WAS: variants seen among roughly 807,000 people sequenced by gnomAD.
The protein encoded by WAS is actin nucleation-promoting factor WAS.
WAS carries 1 observed loss-of-function variant against 38.9 expected under a neutral mutation model. That is an observed-to-expected ratio of 0.03 (90% CI 0.01 to 0.12). The LOEUF is 0.12. Among genes scored for constraint, WAS ranks in the 10% least tolerant of loss-of-function variants. The pLI is 1.00. For synonymous variants in WAS, 182 were observed against 173.6 expected (o/e 1.05, Z -0.38); for missense variants, 311 against 431.2 (o/e 0.72, Z 2.47).
rs782347054 is a variant in WAS, at chrX:48,684,433, C to G, written c.273+10C>G. On this transcript the variant is annotated intron_variant, in intron 2 of 11. Coordinates refer to ENST00000376701, the MANE Select transcript of WAS (RefSeq NM_000377.3). ...CCTTTACGGCCTTCAGGTGACCCCC[C>G]CACCCCCGACTGGACTTGCAAGCCA... 6 of 1,200,461 alleles carry G rather than the reference C, an allele frequency of 5.0e-6. No individual in the cohort carries two copies. In the South Asian group the frequency reaches 1.1e-4, roughly 22 times the overall value.
At chrX:48,690,764 C>T (rs2062437251) in intron 11 of WAS, among the ~76,000 whole-genome samples, 2 of 111,012 alleles carry the variant, frequency 1.8e-5, no homozygotes, top group African/African-American at 3.3e-5. Flanking sequence ...TCATTAACCC[C>T]ATTATGTGTC....
At chrX:48,691,050 C>T in intron 11 of WAS, 57 bp from the exon 12 acceptor site, 1 of 1,111,603 alleles carries the variant, frequency 9.0e-7, no homozygotes, top group Non-Finnish European at 1.2e-6. Context: ...ACCTCCCAGG[C>T]CCTATGAAGC....
chrX:48,689,872 G>T (rs1205425575), intron 11 of WAS, among the ~76,000 whole-genome samples: 1 of 107,748 alleles, frequency 9.3e-6, no homozygotes, highest in East Asian at 3.0e-4. Flanking sequence ...ATAGTGGTGT[G>T]TGCCTGTGGT....
chrX:48,689,013 G>C lies in WAS; in HGVS notation c.1285G>C (p.Gly429Arg), dbSNP rs782553062. The C allele has an allele frequency of 1.7e-6, 2 of 1,202,131 alleles. No individual in the cohort carries two copies. Among genetic ancestry groups the C allele is most frequent in the South Asian group, 1.8e-5 (1 of 55,809 alleles). ...GCCTGCCGGGGGCCTGGCCCCTGGT[G>C]GGGGTCGGGGAGCGCTTTTGGATCA... ...LVPAGGLAPG[G>R]GRGALLDQIR... The change falls in exon 10 of 12, where the codon GGG becomes CGG. Residue 429 changes from glycine (G) to arginine (R), a missense_variant. Coordinates refer to ENST00000376701, the MANE Select transcript of WAS (RefSeq NM_000377.3).
rs1243089358 is a variant in WAS at position 48,689,046 on chromosome X, C to A, written c.1318C>A (p.Gln440Lys). ...GRGALLDQIR[Q>K]GIQLNKTPGA... ...GGGAGCGCTTTTGGATCAAATCCGG[C>A]AGGGAATTCAGCTGAACAAGGTGAG... Residue 440 changes from glutamine (Q) to lysine (K), a missense_variant, in exon 10 of 12, where the codon CAG becomes AAG. Physicochemically the swap from Gln to Lys is moderately conservative, Grantham distance 53 (BLOSUM62 1). Coordinates refer to ENST00000376701, the MANE Select transcript of WAS (RefSeq NM_000377.3). The A allele has an allele frequency of 1.7e-6, 2 of 1,201,697 alleles. No homozygotes were observed. Among genetic ancestry groups the A allele is most frequent in the Non-Finnish European group, 2.2e-6 (2 of 894,240 alleles).
chrX:48,679,270 T>C (rs1355624424), upstream of WAS, among the ~76,000 whole-genome samples: 2 of 111,286 alleles, frequency 1.8e-5, no homozygotes, highest in African/African-American at 3.3e-5. Flanking sequence ...GCGATCCACC[T>C]ATCTTGGCCT....
upstream of WAS, among the ~76,000 whole-genome samples, chrX:48,679,380 A>G (rs1281727824): frequency 8.9e-6 from 1 of 112,097 alleles, no homozygotes; most frequent in Non-Finnish European, 1.9e-5. Flanking sequence ...TATACATTTT[A>G]CACTTGTCTG....
At chrX:48,682,022 G>C (rs184380373), upstream of WAS, among the ~76,000 whole-genome samples, 1 of 112,141 alleles carries the variant, frequency 8.9e-6, no homozygotes, top group Admixed American at 9.5e-5. Context: ...TCATACATGG[G>C]GAAACTGAGG....
intron 1 of WAS, 57 bp downstream of exon 1, chrX:48,684,042 C>A: frequency 8.5e-7 from 1 of 1,181,193 alleles, no homozygotes. Context: ...CTCTTCCTCT[C>A]CTCCTTCTCT....
chrX:48,686,641 C>A, intron 6 of WAS, 140 bp from the exon 7 acceptor site: 1 of 648,845 alleles, frequency 1.5e-6, no homozygotes, highest in Non-Finnish European at 2.4e-6. Flanking sequence ...CTCCATAGAC[C>A]CTACTTGAAC....
Position 48,683,950 on chromosome X carries a change from C to G in WAS, c.97C>G (p.Gln33Glu), listed in dbSNP as rs1569493682. The change falls in exon 1 of 12, where the codon CAG becomes GAG. Residue 33 changes from glutamine (Q) to glutamate (E), a missense_variant. Transcript: ENST00000376701. ...PSTLLQDHEN[Q>E]RLFEMLGRKC... ...CACCCTCCTCCAGGACCACGAGAAC[C>G]AGCGACTCTTTGAGATGCTTGGACG... 3.3e-6 allele frequency: 4 copies of G among 1,211,406 alleles called. No individual in the cohort carries two copies. The highest frequency in any genetic ancestry group is 4.5e-6 in the Non-Finnish European group (4 of 895,406).
At chrX:48,680,223 C>T (rs1481797782), upstream of WAS, among the ~76,000 whole-genome samples, 6 of 111,789 alleles carry the variant, frequency 5.4e-5, no homozygotes, top group Non-Finnish European at 9.4e-5. Context: ...GCAGGAATAT[C>T]ATCGCCCCTA....
chrX:48,683,106 G>C (rs1217215016), upstream of WAS, among the ~76,000 whole-genome samples: 1 of 110,168 alleles, frequency 9.1e-6, no homozygotes, highest in Non-Finnish European at 1.9e-5. Context: ...TTTGAGACAA[G>C]GGTCTTGCTC....
At chrX:48,678,850 T>C (rs1306141845), upstream of WAS, among the ~76,000 whole-genome samples, 1 of 110,981 alleles carries the variant, frequency 9.0e-6, no homozygotes, top group African/African-American at 3.3e-5. Context: ...TAAAAAGAGT[T>C]TGTGGATACA....
chrX:48,686,238 G>T, intron 6 of WAS, 104 bp downstream of exon 6: 1 of 981,696 alleles, frequency 1.0e-6, no homozygotes, highest in Non-Finnish European at 1.4e-6. Context: ...TAGGTAGATT[G>T]ATAGGTATGT....
At chrX:48,677,103 G>A (rs2062392604) in intron 1 of WAS, among the ~76,000 whole-genome samples, 1 of 111,885 alleles carries the variant, frequency 8.9e-6, no homozygotes, top group South Asian at 3.7e-4. Flanking sequence ...GGTGGGGCCT[G>A]ACTGGGCCAG....
At position 48,685,961 on chromosome X, in the gene WAS, C is replaced by G. The variant is rs1557006619; in HGVS notation, c.479C>G (p.Pro160Arg). Residue 160 changes from proline (P) to arginine (R), a missense_variant, in exon 5 of 12, where the codon CCC (proline) becomes CGC (arginine). Pro to Arg is a moderately radical substitution (Grantham distance 103). Around this residue, in one of 4 missense-constraint regions of WAS, gnomAD observed 31 missense variants for 20.1 expected, o/e 1.55. Coordinates refer to ENST00000376701, the MANE Select transcript of WAS (RefSeq NM_000377.3). ...CTATCCACAGACAGACGCCAGCTAC[C>G]CCCACCACCAACACCAGCCAATGAA... ...QRQSGDRRQL[P>R]PPPTPANEER... 8.3e-7 allele frequency: 1 copy of G among 1,211,812 alleles called. No individual in the cohort carries two copies. The highest frequency in any genetic ancestry group is 1.7e-5 in the African/African-American group (1 of 57,783).
chrX:48,688,278 T>TG, intron 8 of WAS, 22 bp from the exon 9 acceptor site: 1 of 1,192,721 alleles, frequency 8.4e-7, no homozygotes, highest in Non-Finnish European at 1.1e-6. Flanking sequence ...CTCCTGCCCC[T>TG]GGCCTTTTTC....
At position 48,683,861 on chromosome X, in the gene WAS, G is replaced by C; in HGVS notation, c.8G>C (p.Gly3Ala). The change falls in exon 1 of 12, where the codon GGG (glycine) becomes GCG (alanine). Residue 3 changes from glycine (G) to alanine (A), a missense_variant. Around this residue, in one of 4 missense-constraint regions of WAS, gnomAD observed 64 missense variants for 122.5 expected, o/e 0.52. Transcript: ENST00000376701. MS[G>A]GPMGGRPGGR... ...ACAAGGGCAGAAAGCACCATGAGTGGGGGCCCAATGGGAGGAAGGCCCGGG... is the reference window on the plus strand; with the variant it reads ...ACAAGGGCAGAAAGCACCATGAGTGCGGGCCCAATGGGAGGAAGGCCCGGG... 8.3e-7 allele frequency: 1 copy of C among 1,211,491 alleles called. No individual in the cohort carries two copies. The highest frequency in any genetic ancestry group is 1.8e-5 in the South Asian group (1 of 56,973).
Sources: allele counts gnomAD v4.1 joint callset (sites outside exome capture counted in the v4.1 genomes callset), GRCh38; gene constraint gnomAD v4.1.1; regional missense constraint gnomAD v4.1.1; transcripts MANE v1.5; gene names NCBI Gene and HGNC (gene_info 2026-07-23, HGNC 2026-07-21).